RPS6KC1: variants seen among roughly 807,000 people sequenced by gnomAD.
The protein encoded by RPS6KC1 is inactive ribosomal protein S6 kinase delta-1.
A neutral mutation model predicts 103.8 loss-of-function variants in RPS6KC1; 54 were observed. The ratio of observed to expected loss-of-function variants is 0.52; its 90% CI spans 0.42 to 0.65. RPS6KC1 has a LOEUF of 0.65. Among genes scored for constraint, RPS6KC1 ranks in the 30% least tolerant of loss-of-function variants. The pLI, the probability that RPS6KC1 is intolerant of heterozygous loss-of-function variation, is 0.00. For missense variants in RPS6KC1, 1,151 were observed against 1,253.8 expected (o/e 0.92, Z 1.24); for synonymous variants, 439 against 438.7 (o/e 1.00, Z -0.01).
At chr1:213,646,240 G>A in the RPS6KC1 span, among the ~76,000 whole-genome samples, 12 of 152,286 alleles carry the variant, frequency 7.9e-5, no homozygotes, top group Non-Finnish European at 1.6e-4. Flanking sequence ...CTAGTGTAGT[G>A]TGTTGTAACA....
chr1:213,257,581 T>G (rs182940433), intron 12 of RPS6KC1, among the ~76,000 whole-genome samples: 1 of 152,342 alleles, frequency 6.6e-6, no homozygotes, highest in African/African-American at 2.4e-5. Flanking sequence ...AAATAATTCA[T>G]GTAAAGTATT....
intron 3 of RPS6KC1, among the ~76,000 whole-genome samples, chr1:213,088,425 G>A (rs1202230179): frequency 6.6e-6 from 1 of 151,644 alleles, no homozygotes; most frequent in Non-Finnish European, 1.5e-5. Flanking sequence ...GTGCAGTGGT[G>A]TGATCATGGC....
intron 3 of RPS6KC1, among the ~76,000 whole-genome samples, chr1:213,078,900 G>C (rs185209400): frequency 6.6e-6 from 1 of 152,040 alleles, no homozygotes; most frequent in Non-Finnish European, 1.5e-5. Context: ...CTCCTAGATA[G>C]TATAATATTT....
At chr1:213,427,822 A>G in the RPS6KC1 span, among the ~76,000 whole-genome samples, 1 of 152,182 alleles carries the variant, frequency 6.6e-6, no homozygotes, top group South Asian at 2.1e-4. Context: ...TGGCTTCTTA[A>G]TTTATCTTTG....
At chr1:213,307,079 T>C in the RPS6KC1 span, among the ~76,000 whole-genome samples, 1 of 150,622 alleles carries the variant, frequency 6.6e-6, no homozygotes, top group African/African-American at 2.5e-5. Context: ...TTTTTTTTTT[T>C]TGAGACGGAG....
chr1:213,230,917 A>G (rs959898328), intron 9 of RPS6KC1, among the ~76,000 whole-genome samples: 3 of 151,728 alleles, frequency 2.0e-5, no homozygotes, highest in Non-Finnish European at 4.4e-5. Context: ...TATGCTTCTG[A>G]AAGAAAAGTT....
At chr1:213,169,999 C>T (rs752659264) in intron 7 of RPS6KC1, among the ~76,000 whole-genome samples, 1 of 152,116 alleles carries the variant, frequency 6.6e-6, no homozygotes, top group Non-Finnish European at 1.5e-5. Context: ...CTAGGCTGGT[C>T]TTGAACTCCT....
the RPS6KC1 span, among the ~76,000 whole-genome samples, chr1:213,776,178 C>G: frequency 3.3e-5 from 5 of 152,196 alleles, no homozygotes; most frequent in African/African-American, 1.2e-4. Context: ...GACATTTTCA[C>G]CTCATTTCCT....
Position 213,129,626 on chromosome 1 carries a change from G to A in RPS6KC1, c.572G>A (p.Arg191Lys). ...GMASNQNSPI[R>K]TFGLNLSSDS... ...GCTTCCAATCAAAATTCTCCCATTA[G>A]AACTTTTGGTCTCAATCTTTCTTCG... The change falls in exon 6 of 15, where the codon AGA (arginine) becomes AAA (lysine). Residue 191 changes from arginine (R) to lysine (K), a missense_variant. Physicochemically the swap from Arg to Lys is conservative, Grantham distance 26. Around this residue, in one of 3 missense-constraint regions of RPS6KC1, gnomAD observed 959 missense variants for 1,006.3 expected, o/e 0.95. Coordinates refer to ENST00000366960, the MANE Select transcript of RPS6KC1 (RefSeq NM_012424.6). 1 of 1,614,014 alleles carries A rather than the reference G, an allele frequency of 6.2e-7. No individual in the cohort carries two copies. The highest frequency in any genetic ancestry group is 8.5e-7 in the Non-Finnish European group (1 of 1,179,966).
intron 8 of RPS6KC1, among the ~76,000 whole-genome samples, chr1:213,227,761 G>A (rs778910857): frequency 6.6e-6 from 1 of 152,180 alleles, no homozygotes; most frequent in Non-Finnish European, 1.5e-5. Context: ...CAGCAGCCAT[G>A]CATCCCTTTC....
the RPS6KC1 span, among the ~76,000 whole-genome samples, chr1:213,807,139 C>G: frequency 1.6e-4 from 24 of 152,200 alleles, no homozygotes; most frequent in Admixed American, 1.4e-3. Context: ...GAGTTTCTGC[C>G]GAGAGATCTG....
the RPS6KC1 span, among the ~76,000 whole-genome samples, chr1:213,399,318 A>T: frequency 4.6e-5 from 7 of 152,148 alleles, no homozygotes; most frequent in African/African-American, 1.7e-4. Flanking sequence ...CAGTCCTGGG[A>T]GGGAGTGGAC....
At chr1:213,321,492 C>A in the RPS6KC1 span, among the ~76,000 whole-genome samples, 1 of 152,180 alleles carries the variant, frequency 6.6e-6, no homozygotes, top group East Asian at 1.9e-4. Flanking sequence ...GTATTTTGTT[C>A]TCTCATTTCA....
At chr1:213,643,386 C>T in the RPS6KC1 span, among the ~76,000 whole-genome samples, 1 of 151,064 alleles carries the variant, frequency 6.6e-6, no homozygotes, top group Non-Finnish European at 1.5e-5. Flanking sequence ...ACCTAGATAT[C>T]TTATAGTTTC....
At chr1:213,206,797 A>G (rs1045420298) in intron 8 of RPS6KC1, among the ~76,000 whole-genome samples, 4 of 151,954 alleles carry the variant, frequency 2.6e-5, no homozygotes, top group Non-Finnish European at 5.9e-5. Flanking sequence ...CTTGTACAAA[A>G]TTTTTTCTCT....
At chr1:213,097,657 C>T (rs1394937624) in intron 3 of RPS6KC1, among the ~76,000 whole-genome samples, 1 of 152,210 alleles carries the variant, frequency 6.6e-6, no homozygotes, top group Non-Finnish European at 1.5e-5. Context: ...TGTTGGATAG[C>T]ATTTTCTTCC....
the RPS6KC1 span, among the ~76,000 whole-genome samples, chr1:213,361,797 G>A: frequency 1.4e-4 from 22 of 152,280 alleles, no homozygotes; most frequent in Non-Finnish European, 2.6e-4. Context: ...TGGAGAGGGC[G>A]TTTTCTTCTC....
the RPS6KC1 span, among the ~76,000 whole-genome samples, chr1:213,378,822 T>C: frequency 1.3e-5 from 2 of 152,164 alleles, no homozygotes; most frequent in African/African-American, 4.8e-5. Context: ...TCCTCCGACA[T>C]CCATCCAAGG....
the RPS6KC1 span, among the ~76,000 whole-genome samples, chr1:213,331,415 A>T: frequency 1.3e-5 from 2 of 152,248 alleles, no homozygotes; most frequent in Non-Finnish European, 2.9e-5. Context: ...AGAGTATTGG[A>T]TGGTGGGGTC....
Sources: gnomAD v4.1 joint callset for allele counts (sites outside exome capture counted in the v4.1 genomes callset) on GRCh38, gnomAD v4.1.1 for gene constraint, gnomAD v4.1.1 regional missense constraint, MANE v1.5 for transcripts, NCBI Gene and HGNC (gene_info 2026-07-23, HGNC 2026-07-21) for gene names.